PDS5B: variants seen among roughly 807,000 people sequenced by gnomAD.
The protein encoded by PDS5B is PDS5 cohesin associated factor B.
A neutral mutation model predicts 184.1 loss-of-function variants in PDS5B; 51 were observed. The ratio of observed to expected loss-of-function variants is 0.28; its 90% confidence interval spans 0.22 to 0.35. PDS5B has a LOEUF of 0.35. Ranked by LOEUF, PDS5B falls within the 10% of genes least tolerant of loss-of-function variation. The pLI is 1.00. For synonymous variants in PDS5B, 566 were observed against 569.2 expected, an observed-to-expected ratio of 0.99 and a Z score of 0.08; for missense variants, 1,180 against 1,723.3, an observed-to-expected ratio of 0.68 and a Z score of 5.58.
intron 6 of PDS5B, among the ~76,000 whole-genome samples, chr13:32,667,278 A>C (rs1237446245): frequency 6.6e-6 from 1 of 152,008 alleles, no homozygotes; most frequent in Non-Finnish European, 1.5e-5. Context: ...GTATCCTTTG[A>C]CTTACCTGTG....
chr13:32,648,907 A>G, intron 2 of PDS5B, 27 bp downstream of exon 2: 2 of 996,462 alleles, frequency 2.0e-6, no homozygotes, highest in Non-Finnish European at 3.2e-6. Context: ...TCTTTTTTAC[A>G]TCTGTGTAGG....
At chr13:32,758,459 C>A in intron 27 of PDS5B, 75 bp from the exon 28 acceptor site, 1 of 1,401,982 alleles carries the variant, frequency 7.1e-7, no homozygotes. Flanking sequence ...GATTCATGTT[C>A]TGAAATTATT....
At chr13:32,655,375 T>TATATATATATATATA (rs1555296358) in intron 3 of PDS5B, among the ~76,000 whole-genome samples, 25 of 50,876 alleles carry the variant, frequency 4.9e-4, no homozygotes, top group East Asian at 2.8e-3. Flanking sequence ...TATATATATA[T>TATATATATATATATA]TTTTTTTTTT....
In PDS5B at chr13:32,764,555, G is replaced by GA; in HGVS notation, c.3592dup (p.Ser1198LysfsTer2). On this transcript the variant is annotated frameshift_variant, in exon 31 of 35. Transcript: ENST00000315596. LOFTEE classifies it high-confidence loss of function. ...ACACAATGTCTTCACCTTTGCCGGG[G>GA]AAAAAAAGTGACAAGAGAGACGACT... is the stretch of plus-strand genomic sequence containing the variant. 6.2e-7 allele frequency: 1 copy of GA among 1,601,214 alleles called. No individual in the cohort carries two copies. The highest frequency in any genetic ancestry group is 1.7e-5 in the Admixed American group (1 of 59,162).
rs373982993 is a variant in PDS5B, at chr13:32,770,626, A to G, written c.4065-28A>G. 1.5e-4 allele frequency: 245 copies of G among 1,601,618 alleles called. 2 individuals are homozygous for G. The Middle Eastern group carries it at 2.7e-3, about 17-fold the overall frequency. On this transcript the variant is annotated intron_variant, in intron 32 of 34. Coordinates refer to ENST00000315596, the MANE Select transcript of PDS5B (RefSeq NM_015032.4). ...ATATTATAAATCATAATTTGATGCT[A>G]TCCACATTTGGGTCTTCCCCAAAGC...
chr13:32,649,119 A>G, intron 2 of PDS5B: 1 of 397,714 alleles, frequency 2.5e-6, no homozygotes, highest in Non-Finnish European at 4.5e-6. Context: ...ATACTTGGGT[A>G]TAAAGAACAA....
Position 32,775,750 on chromosome 13 carries a change from C to T in PDS5B, c.*698C>T. The T allele has an allele frequency of 2.5e-6, 1 of 402,544 alleles. No individual in the cohort carries two copies. The highest frequency in any genetic ancestry group is 4.9e-6 in the Non-Finnish European group (1 of 203,854). 24.9% of individuals were successfully genotyped at this position (402,544 alleles called of 1,614,324 possible). A position where few individuals can be genotyped will look rare whatever the true frequency, so the allele number is the denominator to read the frequency against. ...ATTGATTTGTCCCAGAATTTTCTGG[C>T]CTTTCATGGCAATGAAAATTTTAAG... On this transcript the variant is annotated 3_prime_UTR_variant, in exon 35 of 35. Transcript: ENST00000315596.
intron 19 of PDS5B, among the ~76,000 whole-genome samples, chr13:32,724,650 C>T (rs1280752738): frequency 1.3e-5 from 2 of 152,130 alleles, no homozygotes; most frequent in African/African-American, 2.4e-5. Context: ...GGTGCGATCA[C>T]AGCTCACTGC....
intron 9 of PDS5B, 39 bp from the exon 10 acceptor site, chr13:32,678,796 T>C: frequency 9.1e-7 from 1 of 1,103,106 alleles, no homozygotes; most frequent in East Asian, 2.4e-5. Flanking sequence ...TCTGTTTCTC[T>C]TATTTTGAAG....
At chr13:32,597,703 T>G (rs2057900620) in intron 1 of PDS5B, among the ~76,000 whole-genome samples, 1 of 151,710 alleles carries the variant, frequency 6.6e-6, no homozygotes, top group Non-Finnish European at 1.5e-5. Context: ...AAAAATTAGT[T>G]GGGCATGGTG....
chr13:32,739,904 G>A lies in PDS5B; in HGVS notation c.2407-1176G>A, dbSNP rs146218718. Among the ~76,000 whole-genome samples, 625 of 152,006 alleles carry A rather than the reference G, an allele frequency of 4.1e-3. 2 individuals carry two copies. Among genetic ancestry groups the A allele is most frequent in the Non-Finnish European group, 6.1e-3 (411 of 67,926 alleles). ...GTTGTTTGTTTTTATTGTATCTTTT[G>A]TGGCTTTATTATTTATAAATCTACC... is the stretch of plus-strand genomic sequence containing the variant. On this transcript the variant is annotated intron_variant, in intron 21 of 34. Coordinates refer to ENST00000315596, the MANE Select transcript of PDS5B (RefSeq NM_015032.4).
intron 14 of PDS5B, among the ~76,000 whole-genome samples, chr13:32,695,598 G>T (rs1401221139): frequency 1.3e-5 from 2 of 151,928 alleles, no homozygotes; most frequent in Non-Finnish European, 2.9e-5. Context: ...AATTATTTGT[G>T]TTTAGGCATT....
At position 32,688,669 on chromosome 13, in the gene PDS5B, ATGTAG is replaced by A. The variant is rs770924693; in HGVS notation, c.1469+105_1469+109del. The A allele has an allele frequency of 1.3e-5, 10 of 769,502 alleles. No homozygotes were observed. In the Admixed American group the frequency reaches 1.9e-4, roughly 15 times the overall value. 47.7% of individuals were successfully genotyped at this position (769,502 alleles called of 1,614,324 possible). On this transcript the variant is annotated intron_variant, in intron 13 of 34. Transcript: ENST00000315596. ...ACACCTGTATTTTAAAATGTAATCT[ATGTAG>A]TGTAAACATTGTTTAAAGGGTTATG...
At chr13:32,761,645 T>C (rs1179135062) in intron 30 of PDS5B, among the ~76,000 whole-genome samples, 1 of 152,218 alleles carries the variant, frequency 6.6e-6, no homozygotes, top group African/African-American at 2.4e-5. Flanking sequence ...TTCATCCTTT[T>C]TTATGGCTGC....
In PDS5B at chr13:32,758,516, A is replaced by T. The variant is rs778333977; in HGVS notation, c.3190-18A>T. 18 of 1,600,410 alleles carry T rather than the reference A, an allele frequency of 1.1e-5. No homozygotes were observed. The highest frequency in any genetic ancestry group is 1.4e-5 in the Non-Finnish European group (17 of 1,173,426). ...TGCCAGCTTAAGTATCTGTGTTTTT[A>T]AAAATATACTATTGCAGAAACTGTA... On this transcript the variant is annotated intron_variant, in intron 27 of 34. Coordinates refer to ENST00000315596, the MANE Select transcript of PDS5B (RefSeq NM_015032.4).
At chr13:32,693,654 A>G (rs1593442780) in intron 13 of PDS5B, among the ~76,000 whole-genome samples, 1 of 149,814 alleles carries the variant, frequency 6.7e-6, no homozygotes, top group Non-Finnish European at 1.5e-5. Flanking sequence ...ATTATTCTCT[A>G]TATGTTAATA....
chr13:32,672,870 G>A (rs901054759), intron 7 of PDS5B, among the ~76,000 whole-genome samples: 1 of 152,038 alleles, frequency 6.6e-6, no homozygotes, highest in African/African-American at 2.4e-5. Context: ...CAGCTATCTA[G>A]GTATCCCTTA....
rs547202108 is a variant in PDS5B, at chr13:32,646,962, C to T, written c.-19-1792C>T. On this transcript the variant is annotated intron_variant, in intron 1 of 34. Transcript: ENST00000315596. ...TTATGTTGTTGCTGTTGAGAAGTCA[C>T]CTGTTAGTTTAAATGCTATTCCTTT... Among the ~76,000 whole-genome samples, 8 of 152,228 alleles carry T rather than the reference C, an allele frequency of 5.3e-5. No homozygotes were observed. The South Asian group carries it at 1.0e-3, about 20-fold the overall frequency.
chr13:32,699,922 G>A, intron 16 of PDS5B, 53 bp downstream of exon 16: 2 of 1,473,426 alleles, frequency 1.4e-6, no homozygotes, highest in Non-Finnish European at 1.8e-6. Flanking sequence ...CTTCTTTATT[G>A]TTTCTCTCTT....
Sources: allele counts gnomAD v4.1 joint callset (sites outside exome capture counted in the v4.1 genomes callset), GRCh38; gene constraint gnomAD v4.1.1; transcripts MANE v1.5; gene names NCBI Gene and HGNC (gene_info 2026-07-23, HGNC 2026-07-21).